Variants in GALNT9 observed in about 807,000 individuals in gnomAD.
The protein encoded by GALNT9 is GalNAc transferase 9.
In GALNT9, 47 loss-of-function variants were observed where a neutral mutation model predicts 63.1. The ratio of observed to expected loss-of-function variants is 0.75; its 90% CI spans 0.59 to 0.95. The LOEUF is 0.95. Among genes scored for constraint, GALNT9 ranks in the 40% least tolerant of loss-of-function variants. The pLI is 0.00. For missense variants in GALNT9, 829 were observed against 874.8 expected, an observed-to-expected ratio of 0.95 and a Z score of 0.66; for synonymous variants, 396 against 365.7, an observed-to-expected ratio of 1.08 and a Z score of -0.94.
At chr12:132,199,374 GGGA>G (rs751562953) in intron 8 of GALNT9, 105 bp from the exon 9 acceptor site, 9 of 771,454 alleles carry the variant, frequency 1.2e-5, no homozygotes, top group East Asian at 2.6e-5. Flanking sequence ...AGGTGCCCGC[GGGA>G]GGAGGAGGGG....
intron 1 of GALNT9, among the ~76,000 whole-genome samples, chr12:132,303,200 G>C (rs1881375778): frequency 6.6e-6 from 1 of 152,044 alleles, no homozygotes; most frequent in South Asian, 2.1e-4. Context: ...CCGGGATGCA[G>C]TGACTGCCCA....
rs933749245 is a variant in GALNT9, at chr12:132,247,228, G to A, written c.1077+682C>T. On this transcript the variant is annotated intron_variant, in intron 6 of 10. Coordinates refer to ENST00000328957, the MANE Select transcript of GALNT9 (RefSeq NM_001122636.2). ...AGTCCCGGGAGGCAGAAGCCCGGCC[G>A]AGCTCAGAGCCTCACACCCACCCTC... is the stretch of plus-strand genomic sequence containing the variant. Among the ~76,000 whole-genome samples the A allele has an allele frequency of 2.6e-5, 4 of 151,968 alleles. No individual in the cohort carries two copies. In the South Asian group the frequency reaches 8.3e-4, roughly 32 times the overall value.
chr12:132,295,982 C>CG (rs1555243197), intron 1 of GALNT9, among the ~76,000 whole-genome samples: 17 of 149,230 alleles, frequency 1.1e-4, no homozygotes, highest in Non-Finnish European at 8.9e-5. Flanking sequence ...GGAGAGCCTC[C>CG]AAACAGGGAC....
chr12:132,199,535 G>A (rs7486098), intron 8 of GALNT9, among the ~76,000 whole-genome samples: 68,630 of 151,906 alleles, frequency 0.45, 16,029 homozygotes, highest in Non-Finnish European at 0.52. Flanking sequence ...CAGGGACGAC[G>A]GCCCCAGGCT....
chr12:132,302,980 G>A (rs1446050838), intron 1 of GALNT9, among the ~76,000 whole-genome samples: 1 of 152,144 alleles, frequency 6.6e-6, no homozygotes, highest in Non-Finnish European at 1.5e-5. Context: ...GGGGGCGAGG[G>A]TGGAACCCAG....
intron 7 of GALNT9, among the ~76,000 whole-genome samples, chr12:132,202,640 C>T (rs925355556): frequency 3.3e-5 from 5 of 151,278 alleles, no homozygotes; most frequent in Non-Finnish European, 5.9e-5. Flanking sequence ...TGGGTCATGA[C>T]TTAAGATCTG....
chr12:132,258,503 T>C (rs2135542244), intron 4 of GALNT9, among the ~76,000 whole-genome samples: 1 of 152,252 alleles, frequency 6.6e-6, no homozygotes, highest in East Asian at 1.9e-4. Context: ...GGATGAGGTA[T>C]AAGCAGTCGT....
chr12:132,220,419 A>C (rs1007100023), intron 6 of GALNT9, among the ~76,000 whole-genome samples: 1 of 152,224 alleles, frequency 6.6e-6, no homozygotes, highest in Non-Finnish European at 1.5e-5. Context: ...GAATGAGAGA[A>C]AAGCATTAAT....
At chr12:132,253,612 C>G (rs1879006660) in intron 5 of GALNT9, among the ~76,000 whole-genome samples, 2 of 152,192 alleles carry the variant, frequency 1.3e-5, no homozygotes, top group Admixed American at 1.3e-4. Flanking sequence ...ATGATCATCT[C>G]TATATCTGAC....
Position 132,307,896 on chromosome 12 carries a change from C to T in GALNT9, c.238+21070G>A, listed in dbSNP as rs192042413. On this transcript the variant is annotated intron_variant, in intron 1 of 10. Transcript: ENST00000328957. Reference sequence around the variant, plus strand: ...TCTTATGAGAGAGAAGTGGGCTGGGCGCAGTGGCTCACACCTGTAATCCCC... The same window carrying T: ...TCTTATGAGAGAGAAGTGGGCTGGGTGCAGTGGCTCACACCTGTAATCCCC... 3.9e-3 allele frequency among the ~76,000 whole-genome samples: 589 copies of T among 150,892 alleles called. 2 individuals carry two copies. The highest frequency in any genetic ancestry group is 0.014 in the African/African-American group (568 of 40,948).
At chr12:132,211,615 T>C (rs760926031) in intron 6 of GALNT9, among the ~76,000 whole-genome samples, 3 of 152,152 alleles carry the variant, frequency 2.0e-5, no homozygotes, top group Non-Finnish European at 4.4e-5. Flanking sequence ...CCATTCTGTG[T>C]CCCTCATCCT....
At chr12:132,309,833 A>G (rs1881749559) in intron 1 of GALNT9, among the ~76,000 whole-genome samples, 4 of 152,334 alleles carry the variant, frequency 2.6e-5, no homozygotes, top group Admixed American at 2.0e-4. Flanking sequence ...CCATGCCAGG[A>G]GGGCAGTTAG....
intron 1 of GALNT9, 128 bp downstream of exon 1, chr12:132,328,838 C>A (rs1358281666): frequency 7.5e-6 from 9 of 1,198,034 alleles, no homozygotes; most frequent in Admixed American, 6.6e-5. Context: ...CCTCTCCTCT[C>A]TCCTGTATAT....
At chr12:132,303,254 G>A (rs1881377873) in intron 1 of GALNT9, among the ~76,000 whole-genome samples, 2 of 152,048 alleles carry the variant, frequency 1.3e-5, no homozygotes, top group Admixed American at 1.3e-4. Context: ...CAGGAGAGAG[G>A]CCCCCACCCC....
rs1202754368 is a variant in GALNT9, at chr12:132,238,025, G to T, written c.1077+9885C>A. Among the ~76,000 whole-genome samples, 2 of 152,206 alleles carry T rather than the reference G, an allele frequency of 1.3e-5. No individual in the cohort carries two copies. Among genetic ancestry groups the T allele is most frequent in the Non-Finnish European group, 2.9e-5 (2 of 68,032 alleles). ...GTGACCCCAGCAGACGGGGAGCCAG[G>T]CAAGGACTCTGCAGTGGGTGAGCCA... is the stretch of plus-strand genomic sequence containing the variant. On this transcript the variant is annotated intron_variant, in intron 6 of 10. Transcript: ENST00000328957. This position sits in a 1 kb window ranked among gnomAD's most constrained non-coding sequence, Gnocchi z 6.5.
intron 4 of GALNT9, among the ~76,000 whole-genome samples, chr12:132,259,802 G>A (rs1433458305): frequency 6.6e-6 from 1 of 152,202 alleles, no homozygotes; most frequent in Non-Finnish European, 1.5e-5. Flanking sequence ...GCCCCCTGCA[G>A]TGACAACAGC....
At chr12:132,312,702 C>T (rs1329612549) in intron 1 of GALNT9, among the ~76,000 whole-genome samples, 1 of 152,208 alleles carries the variant, frequency 6.6e-6, no homozygotes, top group African/African-American at 2.4e-5. Flanking sequence ...GGGAAACTGG[C>T]CCTGCCCTTG....
chr12:132,298,213 G>T (rs1246715175), intron 1 of GALNT9, among the ~76,000 whole-genome samples: 2 of 151,774 alleles, frequency 1.3e-5, no homozygotes, highest in Admixed American at 1.3e-4. Context: ...CCACTCCCAA[G>T]TTAACTAACC....
In GALNT9 at chr12:132,245,125, C is replaced by T. The variant is rs536911062; in HGVS notation, c.1077+2785G>A. Among the ~76,000 whole-genome samples, 9 of 151,980 alleles carry T rather than the reference C, an allele frequency of 5.9e-5. No individual in the cohort carries two copies. In the South Asian group the frequency reaches 1.0e-3, roughly 18 times the overall value. ...CGGTGACACAGGCTCCCCTGCCCCG[C>T]GGAGGAGTCAGGCCATCAGAAAGGC... On this transcript the variant is annotated intron_variant, in intron 6 of 10. Coordinates refer to ENST00000328957, the MANE Select transcript of GALNT9 (RefSeq NM_001122636.2). This position sits in a 1 kb window ranked among gnomAD's most constrained non-coding sequence, Gnocchi z 6.3.
Sources: gnomAD v4.1 joint callset for allele counts (sites outside exome capture counted in the v4.1 genomes callset) on GRCh38, gnomAD v4.1.1 for gene constraint, Gnocchi (gnomAD v3.1) non-coding constraint, MANE v1.5 for transcripts, NCBI Gene and HGNC (gene_info 2026-07-23, HGNC 2026-07-21) for gene names.